The following DENND4A variants were observed in gnomAD, a reference collection of about 807,000 sequenced individuals.
DENND4A encodes C-myc promoter-binding protein.
Under a neutral mutation model 199.3 loss-of-function variants are expected in DENND4A, and 70 were observed. The observed-to-expected ratio is 0.35, with a 90% confidence interval of 0.29 to 0.43. The LOEUF is 0.43. Ranked by LOEUF, DENND4A falls within the 20% of genes least tolerant of loss-of-function variation. DENND4A has a pLI of 1.00. For synonymous variants in DENND4A, 686 were observed against 766.9 expected, an observed-to-expected ratio of 0.89 and a Z score of 1.74; for missense variants, 1,723 against 2,255.8, an observed-to-expected ratio of 0.76 and a Z score of 4.78.
At chr15:65,707,136 C>G (rs1031729020) in intron 14 of DENND4A, among the ~76,000 whole-genome samples, 5 of 152,014 alleles carry the variant, frequency 3.3e-5, no homozygotes, top group African/African-American at 1.2e-4. Context: ...CTAGTCACAT[C>G]AATATCGAAA....
intron 2 of DENND4A, among the ~76,000 whole-genome samples, chr15:65,759,432 C>G (rs1378344861): frequency 6.6e-6 from 1 of 152,006 alleles, no homozygotes; most frequent in East Asian, 1.9e-4. Context: ...GAGACAAGAT[C>G]GCGCCACTGC....
At chr15:65,662,014 G>C (rs1201126889) in intron 32 of DENND4A, 27 bp from the exon 33 acceptor site, 1 of 1,581,512 alleles carries the variant, frequency 6.3e-7, no homozygotes, top group Non-Finnish European at 8.6e-7. Flanking sequence ...AGAAATAAAA[G>C]AATAAAGAAA....
chr15:65,744,291 G>C (rs541526814), intron 4 of DENND4A, among the ~76,000 whole-genome samples: 2 of 152,284 alleles, frequency 1.3e-5, no homozygotes, highest in East Asian at 3.9e-4. Flanking sequence ...AGCAGGTTTG[G>C]GGTGAAGATA....
At chr15:65,720,501 T>G (rs1049024991) in intron 12 of DENND4A, among the ~76,000 whole-genome samples, 1 of 151,122 alleles carries the variant, frequency 6.6e-6, no homozygotes, top group Non-Finnish European at 1.5e-5. Context: ...AACCTTTGCC[T>G]CCCAGGTTCA....
At chr15:65,772,021 G>T in intron 1 of DENND4A, 2 of 1,413,518 alleles carry the variant, frequency 1.4e-6, no homozygotes, top group African/African-American at 1.4e-5. Context: ...CAGGCCAAGG[G>T]CAGTGGGTAG....
chr15:65,771,530 A>C (rs2077125428), intron 1 of DENND4A: 1 of 1,611,820 alleles, frequency 6.2e-7, no homozygotes, highest in Non-Finnish European at 8.5e-7. Context: ...TAATGACACG[A>C]GGATCAATAC....
At position 65,722,947 on chromosome 15, in the gene DENND4A, T is replaced by G; in HGVS notation, c.1489A>C (p.Ile497Leu). The change falls in exon 12 of 33, where the codon ATT becomes CTT. Residue 497 changes from isoleucine to leucine, a missense_variant and splice_region_variant. Transcript: ENST00000443035. Reference protein sequence around the residue: ...VDVDTNTISQIGDKKNVAWKI... With the variant: ...VDVDTNTISQLGDKKNVAWKI... ...CAGGCTACATTTTTCTTGTCACCAA[T>G]TCTAAGATTAAATAACAACAGGAAT... The G allele has an allele frequency of 6.2e-7, 1 of 1,601,682 alleles. No individual in the cohort carries two copies.
intron 24 of DENND4A, among the ~76,000 whole-genome samples, chr15:65,674,205 T>C (rs1009272546): frequency 1.3e-5 from 2 of 152,182 alleles, no homozygotes; most frequent in East Asian, 3.8e-4. Context: ...ATATTTGATA[T>C]ATATGATAAA....
chr15:65,753,243 T>TA lies in DENND4A; in HGVS notation c.312-616dup, dbSNP rs955160306. Among the ~76,000 whole-genome samples, 4 of 151,998 alleles carry TA rather than the reference T, an allele frequency of 2.6e-5. No individual in the cohort carries two copies. In the East Asian group the frequency reaches 5.8e-4, roughly 22 times the overall value. On this transcript the variant is annotated intron_variant, in intron 3 of 32. Coordinates refer to ENST00000443035, the MANE Select transcript of DENND4A (RefSeq NM_001320835.1). ...TCTATACTTAAGCACTAAGGAACACTAAAAAAAATAGTGCTTAAATAACAT... is the reference window on the plus strand; with the variant it reads ...TCTATACTTAAGCACTAAGGAACACTAAAAAAAAATAGTGCTTAAATAACAT...
chr15:65,711,514 A>C (rs1489010261), intron 14 of DENND4A, among the ~76,000 whole-genome samples: 1 of 152,140 alleles, frequency 6.6e-6, no homozygotes, highest in Admixed American at 6.6e-5. Context: ...ATAATAAAGA[A>C]AAAAAACCAG....
At chr15:65,693,887 C>A (rs1248289739) in intron 22 of DENND4A, among the ~76,000 whole-genome samples, 1 of 151,596 alleles carries the variant, frequency 6.6e-6, no homozygotes, top group Non-Finnish European at 1.5e-5. Flanking sequence ...TATAATATAC[C>A]CCCAGTAGCA....
chr15:65,686,369 T>C (rs2076781388), intron 23 of DENND4A, among the ~76,000 whole-genome samples: 1 of 152,206 alleles, frequency 6.6e-6, no homozygotes, highest in Non-Finnish European at 1.5e-5. Context: ...GTCAATTATA[T>C]AAAAGTAGCT....
intron 2 of DENND4A, among the ~76,000 whole-genome samples, chr15:65,758,294 G>A (rs1052082993): frequency 3.3e-5 from 5 of 152,096 alleles, no homozygotes; most frequent in Admixed American, 1.3e-4. Flanking sequence ...TTGGTTGTCC[G>A]GTATCACTTA....
At position 65,671,820 on chromosome 15, in the gene DENND4A, G is replaced by A; in HGVS notation, c.4436C>T (p.Thr1479Ile). The A allele has an allele frequency of 1.2e-6, 2 of 1,611,356 alleles. No individual in the cohort carries two copies. Among genetic ancestry groups the A allele is most frequent in the Admixed American group, 3.3e-5 (2 of 60,030 alleles). ...CATTGCATAGTTCTGGAAGATATTT[G>A]TATTACTCGCGTTGAAGGAAGATGT... ...EVTSSFNASNTNIFQNYAMEV... is the reference protein window; with the variant it reads ...EVTSSFNASNINIFQNYAMEV... Residue 1479 changes from threonine (T) to isoleucine (I), a missense_variant, in exon 25 of 33, where the codon ACA becomes ATA. Around this residue, in one of 6 missense-constraint regions of DENND4A, gnomAD observed 650 missense variants for 738.1 expected, o/e 0.88. Coordinates refer to ENST00000443035, the MANE Select transcript of DENND4A (RefSeq NM_001320835.1).
chr15:65,754,119 C>G (rs2076641475), intron 3 of DENND4A, among the ~76,000 whole-genome samples: 1 of 152,152 alleles, frequency 6.6e-6, no homozygotes, highest in Non-Finnish European at 1.5e-5. Flanking sequence ...CAGGCATGAG[C>G]CACTGTGCCT....
intron 14 of DENND4A, among the ~76,000 whole-genome samples, chr15:65,708,070 T>C (rs2075123055): frequency 6.6e-6 from 1 of 152,014 alleles, no homozygotes; most frequent in African/African-American, 2.4e-5. Context: ...AATCACAGCT[T>C]GCTGCAACCT....
chr15:65,718,216 C>T (rs894945997), intron 12 of DENND4A, among the ~76,000 whole-genome samples: 1 of 152,086 alleles, frequency 6.6e-6, no homozygotes, highest in Non-Finnish European at 1.5e-5. Flanking sequence ...CCGTTTATCT[C>T]ACTACCACCA....
At chr15:65,680,979 G>A (rs531654129) in intron 23 of DENND4A, 1 of 152,336 alleles carries the variant, frequency 6.6e-6, no homozygotes, top group Non-Finnish European at 1.5e-5. Flanking sequence ...GGTGGCTGCT[G>A]AAGGTTGAGT....
Position 65,701,997 on chromosome 15 carries a change from T to C in DENND4A, c.2431-107A>G, listed in dbSNP as rs905774102. 8.2e-6 allele frequency: 12 copies of C among 1,468,208 alleles called. No homozygotes were observed. The African/African-American group carries it at 8.4e-5, about 10-fold the overall frequency. The allele number at this position is 1,468,208 out of a possible 1,614,324, so 90.9% of individuals were successfully genotyped here. On this transcript the variant is annotated intron_variant, in intron 17 of 32. Transcript: ENST00000443035. ...AATAATTGTGGCAGGGCACAGTGGC[T>C]CATGCCTGTAATTCCAACATTTTGG...
Sources: gnomAD v4.1 joint callset for allele counts (sites outside exome capture counted in the v4.1 genomes callset) on GRCh38, gnomAD v4.1.1 for gene constraint, gnomAD v4.1.1 regional missense constraint, MANE v1.5 for transcripts, NCBI Gene and HGNC (gene_info 2026-07-23, HGNC 2026-07-21) for gene names.